The following OR10A2 variants were observed in gnomAD, a reference collection of about 807,000 sequenced individuals.
OR10A2 encodes the protein olfactory receptor 10A2.
In OR10A2, 15 loss-of-function variants were observed where a neutral mutation model predicts 13.7. That is an observed-to-expected ratio of 1.10 (90% CI 0.73 to 1.69). The LOEUF is 1.69. Ranked by LOEUF, OR10A2 falls within the 40% of genes most tolerant of loss-of-function variation. The pLI, the probability that OR10A2 is intolerant of heterozygous loss-of-function variation, is 0.00. For missense variants in OR10A2, 343 were observed against 361.1 expected, an observed-to-expected ratio of 0.95 and a Z score of 0.41; for synonymous variants, 145 against 144.7, an observed-to-expected ratio of 1.00 and a Z score of -0.02.
chr11:6,870,803 A>G lies in OR10A2; in HGVS notation c.*137A>G. The G allele has an allele frequency of 1.5e-6, 1 of 678,616 alleles. No homozygotes were observed. Among genetic ancestry groups the G allele is most frequent in the African/African-American group, 1.8e-5 (1 of 55,740 alleles). 42.0% of individuals were successfully genotyped at this position (678,616 alleles called of 1,614,324 possible). ...ATGGCTTTTGGAAAGCTGAGTGGAG[A>G]GAAAGGAGCAGAGAAGTAGTTTCGA... On this transcript the variant is annotated 3_prime_UTR_variant, in exon 2 of 2. Transcript: ENST00000641461.
At chr11:6,866,323 C>T (rs1455103471) in intron 1 of OR10A2, among the ~76,000 whole-genome samples, 2 of 152,164 alleles carry the variant, frequency 1.3e-5, no homozygotes, top group African/African-American at 2.4e-5. Context: ...GTGGCTATAC[C>T]AAGCTTGTCC....
rs1323551288 is a variant in OR10A2 at position 6,871,895 on chromosome 11, G to A, written c.*1229G>A. 10 of 152,084 alleles carry A rather than the reference G, an allele frequency of 6.6e-5. No homozygotes were observed. Among genetic ancestry groups the A allele is most frequent in the Admixed American group, 6.6e-4 (10 of 15,262 alleles). 9.4% of individuals were successfully genotyped at this position (152,084 alleles called of 1,614,324 possible). A position where few individuals can be genotyped will look rare whatever the true frequency, so the allele number is the denominator to read the frequency against. On this transcript the variant is annotated 3_prime_UTR_variant, in exon 2 of 2. Transcript: ENST00000641461. ...TGACAAATAGAAATCTAGAAATTGA[G>A]TTTCTTGGGCAAAAGTTAAATACAT...
rs1848440121 is a variant in OR10A2, at chr11:6,872,117, A to G, written c.*1451A>G. ...ATGAAATTTTAATTTGAATGAAATAAATTTTGAAGAATAAGAAAGAAACAG... is the reference window on the plus strand; with the variant it reads ...ATGAAATTTTAATTTGAATGAAATAGATTTTGAAGAATAAGAAAGAAACAG... On this transcript the variant is annotated 3_prime_UTR_variant, in exon 2 of 2. Coordinates refer to ENST00000641461, the MANE Select transcript of OR10A2 (RefSeq NM_001004460.2). The G allele has an allele frequency of 6.6e-6, 1 of 152,234 alleles. No individual in the cohort carries two copies. The highest frequency in any genetic ancestry group is 2.4e-5 in the African/African-American group (1 of 41,454). The allele number at this position is 152,234 out of a possible 1,614,324, so 9.4% of individuals were successfully genotyped here.
intron 1 of OR10A2, among the ~76,000 whole-genome samples, chr11:6,863,958 A>C (rs1848361097): frequency 6.6e-6 from 1 of 152,240 alleles, no homozygotes; most frequent in African/African-American, 2.4e-5. Context: ...AAACATTATA[A>C]GATTTTTTTC....
At chr11:6,866,211 T>C (rs899194387) in intron 1 of OR10A2, among the ~76,000 whole-genome samples, 4 of 152,232 alleles carry the variant, frequency 2.6e-5, no homozygotes, top group Non-Finnish European at 4.4e-5. Flanking sequence ...TATATGAACA[T>C]AGTCTTCATT....
At chr11:6,866,263 C>A (rs538219738) in intron 1 of OR10A2, among the ~76,000 whole-genome samples, 2 of 152,156 alleles carry the variant, frequency 1.3e-5, no homozygotes, top group South Asian at 4.2e-4. Flanking sequence ...CTGGTTGTAC[C>A]ACAGTTACAT....
Position 6,870,560 on chromosome 11 carries a change from C to T in OR10A2, c.806C>T (p.Thr269Ile), listed in dbSNP as rs754539110. The part of the protein sequence containing the change: ...KLLSLSYTVM[T>I]PMLNPIIYSL... ...CTATCATTGTCCTACACTGTTATGA[C>T]TCCCATGTTGAACCCCATTATCTAC... is the stretch of plus-strand genomic sequence containing the variant. The change falls in exon 2 of 2, where the codon ACT becomes ATT. Residue 269 changes from threonine (T) to isoleucine (I), a missense_variant. Thr to Ile is a moderately conservative substitution (Grantham distance 89, BLOSUM62 -1). Coordinates refer to ENST00000641461, the MANE Select transcript of OR10A2 (RefSeq NM_001004460.2). The T allele has an allele frequency of 8.7e-6, 14 of 1,613,946 alleles. No individual in the cohort carries two copies. In the South Asian group the frequency reaches 1.3e-4, roughly 15 times the overall value.
At position 6,870,946 on chromosome 11, in the gene OR10A2, T is replaced by TA; in HGVS notation, c.*280_*281insA. ...GCCAACTATTTCCAGGTGTTATATT[T>TA]CTTTTTTTTTTTTTTTTTGAGACGG... is the stretch of plus-strand genomic sequence containing the variant. On this transcript the variant is annotated 3_prime_UTR_variant, in exon 2 of 2. Coordinates refer to ENST00000641461, the MANE Select transcript of OR10A2 (RefSeq NM_001004460.2). 1.8e-5 allele frequency: 3 copies of TA among 167,564 alleles called. No homozygotes were observed. The highest frequency in any genetic ancestry group is 3.4e-5 in the Non-Finnish European group (3 of 88,480). The allele number at this position is 167,564 out of a possible 1,614,324, so 10.4% of individuals were successfully genotyped here.
chr11:6,863,728 T>C (rs148979593), intron 1 of OR10A2, among the ~76,000 whole-genome samples: 1 of 152,244 alleles, frequency 6.6e-6, no homozygotes, highest in African/African-American at 2.4e-5. Context: ...GGAACATTTA[T>C]GAGATGGAGA....
chr11:6,866,655 G>T (rs192000567), intron 1 of OR10A2, among the ~76,000 whole-genome samples: 303 of 151,948 alleles, frequency 2.0e-3, no homozygotes, highest in Non-Finnish European at 3.2e-3. Context: ...CCCTAATGGT[G>T]AATACTTTAT....
chr11:6,865,715 T>TA (rs11456471), intron 1 of OR10A2, among the ~76,000 whole-genome samples: 99,600 of 152,046 alleles, frequency 0.66, 32,880 homozygotes, highest in African/African-American at 0.73. Context: ...TTAGCAGATT[T>TA]AAAAAAATCA....
Position 6,869,931 on chromosome 11 carries a change from C to T in OR10A2, c.177C>T (p.Gly59=). 1 of 1,614,146 alleles carries T rather than the reference C, an allele frequency of 6.2e-7. No homozygotes were observed. ...GAAACTTATCTTTCCTGGAGATTGG[C>T]TTCAACCTAGTCATTGTGCCCAAAA... ...FLRNLSFLEI[G]FNLVIVPKML... The change falls in exon 2 of 2, where the codon GGC becomes GGT. Residue 59 remains glycine, a synonymous_variant. Coordinates refer to ENST00000641461, the MANE Select transcript of OR10A2 (RefSeq NM_001004460.2).
At chr11:6,867,392 A>T (rs576182686) in intron 1 of OR10A2, among the ~76,000 whole-genome samples, 1 of 152,046 alleles carries the variant, frequency 6.6e-6, no homozygotes, top group South Asian at 2.1e-4. Context: ...TTGTATTTTT[A>T]GTAGAGAGGG....
chr11:6,869,321 A>G (rs1213144495), intron 1 of OR10A2, among the ~76,000 whole-genome samples: 1 of 152,234 alleles, frequency 6.6e-6, no homozygotes, highest in East Asian at 1.9e-4. Context: ...ATAAATTTAA[A>G]TGTATGTGTT....
chr11:6,870,664 T>C lies in OR10A2; in HGVS notation c.910T>C (p.Ter304GlnextTer19), dbSNP rs777196229. The stretch of plus-strand genomic sequence containing the variant: ...CCTAGCCCTCAGAAACTGTATCCCA[T>C]AGACCTTAGGAAGTAAGGCTACATT... ...KALALRNCIP[*>Q] The change falls in exon 2 of 2, where the codon TAG (stop) becomes CAG (glutamine). Residue 304 changes from the stop codon to glutamine, a stop_lost. Transcript: ENST00000641461. 8.4e-6 allele frequency: 13 copies of C among 1,554,112 alleles called. No homozygotes were observed. The highest frequency in any genetic ancestry group is 3.7e-5 in the South Asian group (3 of 80,464).
At position 6,867,099 on chromosome 11, in the gene OR10A2, G is replaced by A. The variant is rs529011233; in HGVS notation, c.-132-2524G>A. 2.0e-5 allele frequency among the ~76,000 whole-genome samples: 3 copies of A among 151,916 alleles called. No homozygotes were observed. The East Asian group carries it at 5.8e-4, about 29-fold the overall frequency. ...ATTGACTCAGTTTTCTTAAGTTTCT[G>A]GCATTTTGCTCCACAAGGTTTAACT... On this transcript the variant is annotated intron_variant, in intron 1 of 1. Coordinates refer to ENST00000641461, the MANE Select transcript of OR10A2 (RefSeq NM_001004460.2).
chr11:6,871,668 T>C lies in OR10A2; in HGVS notation c.*1002T>C, dbSNP rs1007595200. The C allele has an allele frequency of 2.6e-5, 4 of 152,220 alleles. No individual in the cohort carries two copies. Among genetic ancestry groups the C allele is most frequent in the Non-Finnish European group, 2.9e-5 (2 of 68,038 alleles). The allele number at this position is 152,220 out of a possible 1,614,324, so 9.4% of individuals were successfully genotyped here. On this transcript the variant is annotated 3_prime_UTR_variant, in exon 2 of 2. Transcript: ENST00000641461. ...TGTTTTGTTGAAGTAATATCGTAAA[T>C]TTCAGTCATAGCTTTGCTTTGATGA... is the stretch of plus-strand genomic sequence containing the variant.
rs150797879 is a variant in OR10A2, at chr11:6,870,451, C to T, written c.697C>T (p.Leu233Phe). Residue 233 changes from leucine (L) to phenylalanine (F), a missense_variant, in exon 2 of 2, where the codon CTT (leucine) becomes TTT (phenylalanine). Coordinates refer to ENST00000641461, the MANE Select transcript of OR10A2 (RefSeq NM_001004460.2). The stretch of plus-strand genomic sequence containing the variant: ...CTTTTCTACATGTTCCTCACACCTC[C>T]TTGTTGTCTCTCTTTTCTATATATC... ...KAFSTCSSHL[L>F]VVSLFYISLS... 2,035 of 1,614,046 alleles carry T rather than the reference C, an allele frequency of 1.3e-3. No individual in the cohort carries two copies. The highest frequency in any genetic ancestry group is 1.6e-3 in the Non-Finnish European group (1,873 of 1,180,004).
At chr11:6,865,780 G>A (rs1848374802) in intron 1 of OR10A2, among the ~76,000 whole-genome samples, 1 of 152,214 alleles carries the variant, frequency 6.6e-6, no homozygotes, top group Non-Finnish European at 1.5e-5. Context: ...TTTTACAGGA[G>A]ACATAATCAT....
Sources: gnomAD v4.1 joint callset for allele counts (sites outside exome capture counted in the v4.1 genomes callset) on GRCh38, gnomAD v4.1.1 for gene constraint, MANE v1.5 for transcripts, NCBI Gene and HGNC (gene_info 2026-07-23, HGNC 2026-07-21) for gene names.